STX18: variants seen among roughly 807,000 people sequenced by gnomAD.
STX18 encodes the protein syntaxin 18.
A neutral mutation model predicts 50.1 loss-of-function variants in STX18; 40 were observed. The observed-to-expected ratio is 0.80, with a 90% CI of 0.62 to 1.04. The LOEUF is 1.04. STX18 is among the 50% of genes least tolerant of loss of function. STX18 has a pLI of 0.00. For missense variants in STX18, 410 were observed against 415.8 expected (o/e 0.99, Z 0.12); for synonymous variants, 158 against 151.8 (o/e 1.04, Z -0.30).
rs1724870370 is a variant in STX18, at chr4:4,420,374, A to G, written c.913-245T>C. Reference sequence around the variant, plus strand: ...CTCCCTCAACACAACTCTCGGAATCACTCCCTTCTGTCCCAGGGTTAAGGG... The same window carrying G: ...CTCCCTCAACACAACTCTCGGAATCGCTCCCTTCTGTCCCAGGGTTAAGGG... On this transcript the variant is annotated intron_variant, in intron 10 of 10. Coordinates refer to ENST00000306200, the MANE Select transcript of STX18 (RefSeq NM_016930.4). This position sits in a 1 kb window ranked among gnomAD's most constrained non-coding sequence, Gnocchi z 4.3. The G allele has an allele frequency of 2.0e-6, 1 of 497,516 alleles. No homozygotes were observed. The highest frequency in any genetic ancestry group is 2.0e-5 in the African/African-American group (1 of 50,988). The allele number at this position is 497,516 out of a possible 1,614,324, so 30.8% of individuals were successfully genotyped here.
chr4:4,507,058 A>C, intron 1 of STX18: 1 of 503,220 alleles, frequency 2.0e-6, no homozygotes, highest in South Asian at 1.5e-5. Context: ...TTCCTAAGCC[A>C]GTGCTCAGCA....
chr4:4,536,319 G>A (rs969507726), intron 1 of STX18, among the ~76,000 whole-genome samples: 1 of 152,204 alleles, frequency 6.6e-6, no homozygotes, highest in African/African-American at 2.4e-5. Flanking sequence ...TCCCCACACT[G>A]TTCTAGAAGC....
At chr4:4,542,142 C>A, upstream of STX18, 1 of 759,714 alleles carries the variant, frequency 1.3e-6, no homozygotes, top group Non-Finnish European at 1.9e-6. Flanking sequence ...AAAAAGGTTC[C>A]GGCCTCAGCC....
At chr4:4,521,223 C>T (rs1490179382) in intron 1 of STX18, among the ~76,000 whole-genome samples, 1 of 152,190 alleles carries the variant, frequency 6.6e-6, no homozygotes, top group East Asian at 1.9e-4. Context: ...CCCTCACTGA[C>T]ATTTCTTTGG....
At chr4:4,428,191 T>C (rs565160338) in intron 7 of STX18, among the ~76,000 whole-genome samples, 1 of 152,304 alleles carries the variant, frequency 6.6e-6, no homozygotes, top group South Asian at 2.1e-4. Context: ...ATGTACCACG[T>C]GGATATGGGA....
chr4:4,502,017 T>C (rs1295961708), intron 1 of STX18, among the ~76,000 whole-genome samples: 1 of 152,198 alleles, frequency 6.6e-6, no homozygotes, highest in African/African-American at 2.4e-5. Context: ...AGGATACTCC[T>C]AAGCATTAAG....
chr4:4,478,451 C>T (rs1044472236), intron 1 of STX18, among the ~76,000 whole-genome samples: 4 of 152,188 alleles, frequency 2.6e-5, no homozygotes, highest in African/African-American at 9.7e-5. Context: ...CACCTGAAAA[C>T]ATGGTTTAAA....
intron 5 of STX18, among the ~76,000 whole-genome samples, chr4:4,442,798 T>A (rs1407676651): frequency 1.6e-5 from 2 of 126,958 alleles, no homozygotes; most frequent in Non-Finnish European, 3.1e-5. Context: ...AAATAACAAG[T>A]TTATTAAAAA....
chr4:4,464,053 T>G (rs1387018928), intron 2 of STX18, among the ~76,000 whole-genome samples: 1 of 152,228 alleles, frequency 6.6e-6, no homozygotes, highest in Non-Finnish European at 1.5e-5. Context: ...GGATTTATTT[T>G]ATATTCTCTA....
At chr4:4,459,637 G>T in intron 2 of STX18, 150 bp from the exon 3 acceptor site, 1 of 647,746 alleles carries the variant, frequency 1.5e-6, no homozygotes, top group Non-Finnish European at 2.8e-6. Context: ...GTGAAAAGGT[G>T]AGAGAACCAT....
intron 8 of STX18, among the ~76,000 whole-genome samples, chr4:4,424,136 C>A (rs945435456): frequency 6.6e-6 from 1 of 151,852 alleles, no homozygotes; most frequent in South Asian, 2.1e-4. Context: ...GGTTTGGCAA[C>A]GGAGTGTTCT....
At chr4:4,531,180 G>A (rs1731080911) in intron 1 of STX18, among the ~76,000 whole-genome samples, 1 of 125,782 alleles carries the variant, frequency 8.0e-6, no homozygotes. Flanking sequence ...CACACACCCT[G>A]GACTAATGGG....
At chr4:4,487,399 T>C (rs1292703927) in intron 1 of STX18, among the ~76,000 whole-genome samples, 1 of 152,244 alleles carries the variant, frequency 6.6e-6, no homozygotes, top group African/African-American at 2.4e-5. Context: ...GTTTCCTATG[T>C]GTCGGACACC....
At chr4:4,483,098 T>C (rs1420794819) in intron 1 of STX18, among the ~76,000 whole-genome samples, 1 of 152,070 alleles carries the variant, frequency 6.6e-6, no homozygotes, top group Non-Finnish European at 1.5e-5. Flanking sequence ...TAACAGACAA[T>C]GAGGCTGGTT....
At chr4:4,518,868 A>C (rs1050860984) in intron 1 of STX18, among the ~76,000 whole-genome samples, 1 of 152,230 alleles carries the variant, frequency 6.6e-6, no homozygotes, top group African/African-American at 2.4e-5. Context: ...GCTTAAAATC[A>C]TAAAACTGAC....
At chr4:4,445,132 T>G (rs1250650742) in intron 5 of STX18, among the ~76,000 whole-genome samples, 1 of 152,248 alleles carries the variant, frequency 6.6e-6, no homozygotes, top group Non-Finnish European at 1.5e-5. Flanking sequence ...TCACGTGCAG[T>G]GGCTCATGCC....
At chr4:4,491,730 T>G (rs1728950728) in intron 1 of STX18, among the ~76,000 whole-genome samples, 1 of 152,128 alleles carries the variant, frequency 6.6e-6, no homozygotes, top group African/African-American at 2.4e-5. Flanking sequence ...CACCTAATTC[T>G]AAAGACTGAA....
intron 7 of STX18, among the ~76,000 whole-genome samples, chr4:4,427,233 A>G (rs368847917): frequency 1.3e-5 from 2 of 152,134 alleles, no homozygotes; most frequent in South Asian, 2.1e-4. Context: ...GGGCCAGAAA[A>G]CGGGGAAGGG....
chr4:4,424,745 C>G (rs1431315133), intron 8 of STX18, among the ~76,000 whole-genome samples: 1 of 152,220 alleles, frequency 6.6e-6, no homozygotes, highest in East Asian at 1.9e-4. Context: ...TCCTGACTCC[C>G]TGGTGGGTAC....
Sources: gnomAD v4.1 joint callset for allele counts (sites outside exome capture counted in the v4.1 genomes callset) on GRCh38, gnomAD v4.1.1 for gene constraint, Gnocchi (gnomAD v3.1) non-coding constraint, MANE v1.5 for transcripts, NCBI Gene and HGNC (gene_info 2026-07-23, HGNC 2026-07-21) for gene names.